Variants in AASDH observed in about 807,000 individuals in gnomAD.
The protein encoded by AASDH is beta-alanine-activating enzyme.
AASDH carries 81 observed loss-of-function variants against 102.3 expected under a neutral mutation model. That is an observed-to-expected ratio of 0.79 (90% CI 0.66 to 0.95). AASDH has a LOEUF of 0.95. Among genes scored for constraint, AASDH ranks in the 40% least tolerant of loss-of-function variants. The pLI, the probability that AASDH is intolerant of heterozygous loss-of-function variation, is 0.00. For synonymous variants in AASDH, 398 were observed against 454.0 expected (o/e 0.88, Z 1.57); for missense variants, 1,203 against 1,266.2 (o/e 0.95, Z 0.76).
chr4:56,338,834 T>C, intron 14 of AASDH, 43 bp from the exon 15 acceptor site: 1 of 1,556,796 alleles, frequency 6.4e-7, no homozygotes, highest in Non-Finnish European at 8.7e-7. Context: ...TTCATCTAAT[T>C]GCTCCAATTC....
chr4:56,372,838 A>C (rs1184809941), intron 4 of AASDH, among the ~76,000 whole-genome samples: 1 of 152,254 alleles, frequency 6.6e-6, no homozygotes, highest in Non-Finnish European at 1.5e-5. Context: ...TTCAGAATGA[A>C]GACCCAAAGA....
chr4:56,356,542 G>A (rs780808216), intron 5 of AASDH: 10 of 855,300 alleles, frequency 1.2e-5, no homozygotes, highest in East Asian at 5.0e-5. Context: ...CCTGTCCTTC[G>A]AGCAGGAGTT....
rs974274018 is a variant in AASDH at position 56,369,338 on chromosome 4, A to G, written c.861+2113T>C. Among the ~76,000 whole-genome samples, 3 of 152,318 alleles carry G rather than the reference A, an allele frequency of 2.0e-5. No individual in the cohort carries two copies. The East Asian group carries it at 5.8e-4, about 29-fold the overall frequency. ...AAATCTATCAAGGAACTTTGCAAAC[A>G]TTCCGTGAGAAATATGCTCTTTGAA... On this transcript the variant is annotated intron_variant, in intron 5 of 14. Coordinates refer to ENST00000205214, the MANE Select transcript of AASDH (RefSeq NM_181806.4).
At chr4:56,358,359 T>C (rs1327640341) in intron 5 of AASDH, among the ~76,000 whole-genome samples, 1 of 151,100 alleles carries the variant, frequency 6.6e-6, no homozygotes, top group African/African-American at 2.4e-5. Context: ...TCTTACCTTA[T>C]TGTACTGGCA....
chr4:56,343,501 G>A, intron 13 of AASDH, 61 bp downstream of exon 13: 2 of 1,436,466 alleles, frequency 1.4e-6, no homozygotes, highest in Non-Finnish European at 9.4e-7. Flanking sequence ...AAAGCTCAAA[G>A]CAAAAATTTT....
rs74623471 is a variant in AASDH, at chr4:56,360,471, A to G, written c.862-5048T>C. Among the ~76,000 whole-genome samples the G allele has an allele frequency of 3.7e-3, 567 of 152,292 alleles. 2 individuals are homozygous for G. Among genetic ancestry groups the G allele is most frequent in the African/African-American group, 0.013 (531 of 41,560 alleles). ...ACAGACAGAATCTGTGTGTTGACTGAATTGGGGTGGGGATGATAGGAGCAG... is the reference window on the plus strand; with the variant it reads ...ACAGACAGAATCTGTGTGTTGACTGGATTGGGGTGGGGATGATAGGAGCAG... On this transcript the variant is annotated intron_variant, in intron 5 of 14. Coordinates refer to ENST00000205214, the MANE Select transcript of AASDH (RefSeq NM_181806.4).
rs571362499 is a variant in AASDH, at chr4:56,358,835, T to C, written c.862-3412A>G. ...TGTTCCATATATGGCATTTGGTTGA[T>C]AATGTTGTTCAAGTCTTCGATACTA... On this transcript the variant is annotated intron_variant, in intron 5 of 14. Transcript: ENST00000205214. 1.2e-3 allele frequency among the ~76,000 whole-genome samples: 177 copies of C among 152,326 alleles called. 1 individual carries two copies. The highest frequency in any genetic ancestry group is 3.8e-3 in the African/African-American group (160 of 41,568).
intron 14 of AASDH, 104 bp downstream of exon 14, chr4:56,342,731 A>G: frequency 2.4e-6 from 1 of 420,736 alleles, no homozygotes; most frequent in Non-Finnish European, 3.4e-6. Context: ...AATTTAAAAA[A>G]TATAAATAGA....
chr4:56,362,126 A>G (rs568103862), intron 5 of AASDH, among the ~76,000 whole-genome samples: 1 of 152,366 alleles, frequency 6.6e-6, no homozygotes, highest in Non-Finnish European at 1.5e-5. Context: ...TGAAACAAAT[A>G]AAAGAGGTCT....
chr4:56,355,248 A>G lies in AASDH; in HGVS notation c.1037T>C (p.Ile346Thr). ...GGTCGCCCAACTTGATACCTCTGTGATACCATAAACATTAAATATTTGTGT... is the reference window on the plus strand; with the variant it reads ...GGTCGCCCAACTTGATACCTCTGTGGTACCATAAACATTAAATATTTGTGT... ...NKTQIFNVYG[I>T]TEVSSWATIY... is the part of the protein sequence containing the mutation. Residue 346 changes from isoleucine to threonine, a missense_variant, in exon 6 of 15, where the codon ATC (isoleucine) becomes ACC (threonine). By Grantham distance (89) the Ile-to-Thr change is moderately conservative. Transcript: ENST00000205214. The G allele has an allele frequency of 6.2e-7, 1 of 1,614,088 alleles. No individual in the cohort carries two copies.
rs386400124 is a variant in AASDH at position 56,386,799 on chromosome 4, CAAAAAAAAA to C, written c.-43+554_-43+562del. ...TGGGCGACAGAGCGAGACTCCGTCTCAAAAAAAAAAAAAAAAAAAAAAAGGAAAAAAAAA... is the reference window on the plus strand; with the variant it reads ...TGGGCGACAGAGCGAGACTCCGTCTCAAAAAAAAAAAAAAGGAAAAAAAAA... On this transcript the variant is annotated intron_variant, in intron 1 of 14. Transcript: ENST00000205214. 1.3e-3 allele frequency among the ~76,000 whole-genome samples: 63 copies of C among 48,828 alleles called. 1 individual carries two copies. The South Asian group carries it at 0.046, about 36-fold the overall frequency. The allele number at this position is 48,828 out of a possible 152,430, so 32.0% of individuals were successfully genotyped here. A position where few individuals can be genotyped will look rare whatever the true frequency, so the allele number is the denominator to read the frequency against.
chr4:56,340,410 T>C (rs145526595), intron 14 of AASDH, among the ~76,000 whole-genome samples: 3 of 152,196 alleles, frequency 2.0e-5, no homozygotes, highest in South Asian at 4.1e-4. Flanking sequence ...ATGTCAAAAA[T>C]ACACAATGGG....
Position 56,365,723 on chromosome 4 carries a change from T to C in AASDH, c.861+5728A>G, listed in dbSNP as rs1750912204. Among the ~76,000 whole-genome samples the C allele has an allele frequency of 4.0e-5, 6 of 151,572 alleles. No homozygotes were observed. In the South Asian group the frequency reaches 1.3e-3, roughly 32 times the overall value. ...TCTCTGGGACGCATTCAAAGCAGTG[T>C]GTAGAGGGAAATTTATAGCACTAAA... is the stretch of plus-strand genomic sequence containing the variant. On this transcript the variant is annotated intron_variant, in intron 5 of 14. Coordinates refer to ENST00000205214, the MANE Select transcript of AASDH (RefSeq NM_181806.4).
chr4:56,344,541 A>G (rs1023718344), intron 12 of AASDH, among the ~76,000 whole-genome samples: 2 of 152,132 alleles, frequency 1.3e-5, no homozygotes, highest in East Asian at 3.8e-4. Flanking sequence ...ATAAATATAA[A>G]TGAATTTCCA....
At chr4:56,373,898 A>G (rs1752033928) in intron 4 of AASDH, among the ~76,000 whole-genome samples, 1 of 152,266 alleles carries the variant, frequency 6.6e-6, no homozygotes, top group Non-Finnish European at 1.5e-5. Context: ...AGTTGAAAAA[A>G]AAGAAGAGAC....
At chr4:56,360,464 T>C (rs901866602) in intron 5 of AASDH, among the ~76,000 whole-genome samples, 1 of 152,214 alleles carries the variant, frequency 6.6e-6, no homozygotes, top group Admixed American at 6.5e-5. Flanking sequence ...AATCTGTGTG[T>C]TGACTGAATT....
At chr4:56,380,704 AT>A (rs1212080633) in intron 3 of AASDH, among the ~76,000 whole-genome samples, 1 of 152,126 alleles carries the variant, frequency 6.6e-6, no homozygotes, top group East Asian at 1.9e-4. Flanking sequence ...CCTCCCAATC[AT>A]CCTGTCCGTA....
chr4:56,380,095 A>G (rs1752794466), intron 3 of AASDH, among the ~76,000 whole-genome samples: 1 of 152,210 alleles, frequency 6.6e-6, no homozygotes, highest in African/African-American at 2.4e-5. Context: ...CGGATATACT[A>G]TATGGTCCTG....
chr4:56,370,717 C>T (rs1056638887), intron 5 of AASDH, among the ~76,000 whole-genome samples: 4 of 152,200 alleles, frequency 2.6e-5, no homozygotes, highest in African/African-American at 9.7e-5. Context: ...TATTTTGTTA[C>T]AGCAGCCTGA....
Sources: gnomAD v4.1 joint callset for allele counts (sites outside exome capture counted in the v4.1 genomes callset) on GRCh38, gnomAD v4.1.1 for gene constraint, MANE v1.5 for transcripts, NCBI Gene and HGNC (gene_info 2026-07-23, HGNC 2026-07-21) for gene names.